Variants in RIN3 observed in about 807,000 individuals in gnomAD.
RIN3 encodes Ras and Rab interactor 3, also known as RAB5 interacting protein 3.
Under a neutral mutation model 76.3 loss-of-function variants are expected in RIN3, and 54 were observed. The ratio of observed to expected loss-of-function variants is 0.71; its 90% CI spans 0.57 to 0.89. The LOEUF (loss-of-function observed/expected upper bound fraction) is 0.89, where lower values mean the gene tolerates loss of function less well. Ranked by LOEUF, RIN3 falls within the 40% of genes least tolerant of loss-of-function variation. The probability of loss-of-function intolerance (pLI) is 0.00; values close to 1 mark genes in which losing one functional copy is unlikely to be tolerated. For missense variants in RIN3, 1,256 were observed against 1,322.1 expected, an observed-to-expected ratio of 0.95 and a Z score of 0.78; for synonymous variants, 576 against 564.0, an observed-to-expected ratio of 1.02 and a Z score of -0.30.
chr14:92,684,604 C>T (rs1888783439), intron 8 of RIN3, among the ~76,000 whole-genome samples: 1 of 152,098 alleles, frequency 6.6e-6, no homozygotes, highest in Admixed American at 6.5e-5. Context: ...ATATGTGATA[C>T]ACACACAGTG....
At chr14:92,635,885 A>G (rs1886757537) in intron 4 of RIN3, among the ~76,000 whole-genome samples, 4 of 152,192 alleles carry the variant, frequency 2.6e-5, no homozygotes, top group Admixed American at 1.3e-4. Context: ...GTTTGAGGGC[A>G]GAAAGATGAT....
chr14:92,640,234 G>C (rs1886956823), intron 4 of RIN3, among the ~76,000 whole-genome samples: 1 of 128,190 alleles, frequency 7.8e-6, no homozygotes, highest in African/African-American at 3.0e-5. Flanking sequence ...GCTGGGAGAT[G>C]CCTGACTGTG....
intron 4 of RIN3, among the ~76,000 whole-genome samples, chr14:92,638,308 G>T (rs1323031426): frequency 6.6e-6 from 1 of 152,214 alleles, no homozygotes; most frequent in Non-Finnish European, 1.5e-5. Context: ...AGGAAGATAA[G>T]CGTGATCATT....
At chr14:92,671,018 A>G (rs1888270110) in intron 7 of RIN3, among the ~76,000 whole-genome samples, 1 of 152,198 alleles carries the variant, frequency 6.6e-6, no homozygotes, top group African/African-American at 2.4e-5. Context: ...CCCTGGCAGG[A>G]CAGAGTGGCA....
At chr14:92,628,201 A>T (rs1284060555) in intron 4 of RIN3, among the ~76,000 whole-genome samples, 1 of 152,174 alleles carries the variant, frequency 6.6e-6, no homozygotes, top group African/African-American at 2.4e-5. Flanking sequence ...AGAACCAGGA[A>T]CCAAAACCCT....
chr14:92,645,808 G>A (rs914010537), intron 5 of RIN3, among the ~76,000 whole-genome samples: 3 of 152,160 alleles, frequency 2.0e-5, no homozygotes, highest in African/African-American at 7.2e-5. Flanking sequence ...TCAAAAATTA[G>A]CCAGGCGTGA....
chr14:92,640,903 G>A (rs529898065), intron 4 of RIN3, among the ~76,000 whole-genome samples: 4 of 152,134 alleles, frequency 2.6e-5, no homozygotes, highest in East Asian at 1.9e-4. Flanking sequence ...GGGTCAGAGG[G>A]CAGGGAGGGG....
chr14:92,688,563 C>T lies in RIN3; in HGVS notation c.*311C>T. ...AAACCGGCGCCCTCTTCACACGTAG[C>T]TCCTCAGGCCATTCCCCATGAGTCC... On this transcript the variant is annotated 3_prime_UTR_variant, in exon 10 of 10. Coordinates refer to ENST00000216487, the MANE Select transcript of RIN3 (RefSeq NM_024832.5). 2.4e-6 allele frequency: 1 copy of T among 421,732 alleles called. No individual in the cohort carries two copies. The highest frequency in any genetic ancestry group is 4.4e-5 in the East Asian group (1 of 22,892). 26.1% of individuals were successfully genotyped at this position (421,732 alleles called of 1,614,324 possible).
At chr14:92,571,056 A>G (rs1231927968) in intron 2 of RIN3, among the ~76,000 whole-genome samples, 1 of 152,260 alleles carries the variant, frequency 6.6e-6, no homozygotes, top group Non-Finnish European at 1.5e-5. Context: ...GCAATCACTG[A>G]GTCTTGGCCG....
intron 6 of RIN3, among the ~76,000 whole-genome samples, chr14:92,654,837 G>T (rs1055857630): frequency 6.6e-6 from 1 of 152,170 alleles, no homozygotes; most frequent in Admixed American, 6.5e-5. Flanking sequence ...CTGCCTGCGG[G>T]GAGCTTACGG....
At chr14:92,646,266 G>C (rs1347154836) in intron 5 of RIN3, among the ~76,000 whole-genome samples, 1 of 152,192 alleles carries the variant, frequency 6.6e-6, no homozygotes, top group African/African-American at 2.4e-5. Context: ...TGCCGTGCCT[G>C]CAGTGGAAAA....
intron 2 of RIN3, among the ~76,000 whole-genome samples, chr14:92,564,146 T>C (rs1461293752): frequency 6.6e-6 from 1 of 152,208 alleles, no homozygotes; most frequent in Non-Finnish European, 1.5e-5. Context: ...AGCAGATAGC[T>C]CTGAATTGTC....
intron 1 of RIN3, among the ~76,000 whole-genome samples, chr14:92,529,447 A>C (rs577928291): frequency 3.2e-4 from 49 of 152,112 alleles, no homozygotes; most frequent in African/African-American, 1.2e-3. Flanking sequence ...ACGGGGTTTC[A>C]CTATGTTGGC....
chr14:92,685,039 C>G lies in RIN3; in HGVS notation c.2520C>G (p.Tyr840Ter). 6.2e-7 allele frequency: 1 copy of G among 1,614,084 alleles called. No individual in the cohort carries two copies. The highest frequency in any genetic ancestry group is 1.1e-5 in the South Asian group (1 of 91,076). Residue 840 changes from tyrosine (Y) to a stop codon, truncating the protein, a stop_gained, in exon 9 of 10, where the codon TAC becomes TAG. Transcript: ENST00000216487. LOFTEE classifies it high-confidence loss of function. The surrounding 1 kb of genome is among the most constrained non-coding windows in gnomAD (Gnocchi z 4.7). ...GGGCCCTGGAGCACATCAAGAGCTA[C>G]GACAAGATCACGGTGACCCGGCAGC... ...TYGALEHIKSYDKITVTRQLS... is the reference protein window; with the variant it reads ...TYGALEHIKS
At position 92,688,005 on chromosome 14, in the gene RIN3, C is replaced by T. The variant is rs1268176866; in HGVS notation, c.2711C>T (p.Ala904Val). ...LASRADTQAQALCAQCAEKFA... is the reference protein window; with the variant it reads ...LASRADTQAQVLCAQCAEKFA... The stretch of plus-strand genomic sequence containing the variant: ...TCGCGGGCGGACACCCAGGCCCAGG[C>T]GCTGTGCGCGCAGTGCGCGGAGAAG... Residue 904 changes from alanine to valine, a missense_variant, in exon 10 of 10, where the codon GCG becomes GTG. Ala to Val is a moderately conservative substitution (Grantham distance 64). Around this residue, in one of 3 missense-constraint regions of RIN3, gnomAD observed 218 missense variants for 174.5 expected, o/e 1.25. Coordinates refer to ENST00000216487, the MANE Select transcript of RIN3 (RefSeq NM_024832.5). The T allele has an allele frequency of 1.9e-6, 3 of 1,573,020 alleles. No homozygotes were observed. The highest frequency in any genetic ancestry group is 2.3e-5 in the East Asian group (1 of 42,804).
Position 92,599,009 on chromosome 14 carries a change from G to A in RIN3, c.368-16398G>A, listed in dbSNP as rs114320352. 3.6e-3 allele frequency among the ~76,000 whole-genome samples: 542 copies of A among 152,144 alleles called. 3 individuals carry two copies. Among genetic ancestry groups the A allele is most frequent in the African/African-American group, 0.012 (509 of 41,480 alleles). On this transcript the variant is annotated intron_variant, in intron 3 of 9. Transcript: ENST00000216487. ...CACACGAGGTGGCAAGATAGTCCAC[G>A]CAAGTGCACAGAATGGCAGAATGGT...
intron 5 of RIN3, chr14:92,644,425 G>T (rs1347548233): frequency 4.6e-5 from 7 of 150,596 alleles, no homozygotes; most frequent in Non-Finnish European, 1.0e-4. Flanking sequence ...TTTTTTAAAG[G>T]CGATGTTCCT....
chr14:92,657,241 T>G (rs1358033921), intron 6 of RIN3, among the ~76,000 whole-genome samples: 3 of 151,970 alleles, frequency 2.0e-5, no homozygotes, highest in Admixed American at 1.3e-4. Context: ...GTACCTGTAA[T>G]CCCAGCTACT....
At chr14:92,649,439 G>T (rs1404168662) in intron 5 of RIN3, among the ~76,000 whole-genome samples, 1 of 152,070 alleles carries the variant, frequency 6.6e-6, no homozygotes, top group East Asian at 1.9e-4. Context: ...CTCACTCCAG[G>T]GGCCTGTGTA....
Sources: allele counts gnomAD v4.1 joint callset (sites outside exome capture counted in the v4.1 genomes callset), GRCh38; gene constraint gnomAD v4.1.1; regional missense constraint gnomAD v4.1.1; non-coding constraint Gnocchi (gnomAD v3.1); transcripts MANE v1.5; gene names NCBI Gene and HGNC (gene_info 2026-07-23, HGNC 2026-07-21).